UBE2D4: variants seen among roughly 807,000 people sequenced by gnomAD.
UBE2D4 encodes the protein ubiquitin-conjugating enzyme E2 D4.
A neutral mutation model predicts 23.0 loss-of-function variants in UBE2D4; 17 were observed. The ratio of observed to expected loss-of-function variants is 0.74; its 90% CI spans 0.51 to 1.11. UBE2D4 has a LOEUF of 1.11. UBE2D4 is among the 50% of genes least tolerant of loss of function. The pLI is 0.00. For missense variants in UBE2D4, 139 were observed against 181.8 expected, an observed-to-expected ratio of 0.76 and a Z score of 1.35; for synonymous variants, 61 against 69.4, an observed-to-expected ratio of 0.88 and a Z score of 0.60.
chr7:43,943,296 A>T, intron 4 of UBE2D4: 1 of 572,142 alleles, frequency 1.7e-6, no homozygotes, highest in Non-Finnish European at 3.1e-6. Context: ...ACTGTAGCTG[A>T]GTCTGGTCAT....
rs1463722161 is a variant in UBE2D4, at chr7:43,944,974, T to G, written c.198+1943T>G. The stretch of plus-strand genomic sequence containing the variant: ...CTAAGGACAAAGGAGAAACAGTGAT[T>G]ATTATTATTATTTTTTAATTATTAT... On this transcript the variant is annotated intron_variant, in intron 4 of 6. Transcript: ENST00000222402. This position sits in a 1 kb window ranked among gnomAD's most constrained non-coding sequence, Gnocchi z 4.0. 4 of 152,052 alleles carry G rather than the reference T, an allele frequency of 2.6e-5. No individual in the cohort carries two copies. Among genetic ancestry groups the G allele is most frequent in the African/African-American group, 4.8e-5 (2 of 41,410 alleles). 9.4% of individuals were successfully genotyped at this position (152,052 alleles called of 1,614,324 possible). A position where few individuals can be genotyped will look rare whatever the true frequency, so the allele number is the denominator to read the frequency against.
rs1457714889 is a variant in UBE2D4 at position 43,944,671 on chromosome 7, G to A, written c.198+1640G>A. On this transcript the variant is annotated intron_variant, in intron 4 of 6. Coordinates refer to ENST00000222402, the MANE Select transcript of UBE2D4 (RefSeq NM_015983.4). This position sits in a 1 kb window ranked among gnomAD's most constrained non-coding sequence, Gnocchi z 4.0. ...TAAGCTTTTAGCAAGGGAGTGGAGT[G>A]TGCTGAGCAGGACAATGACAGATGC... is the stretch of plus-strand genomic sequence containing the variant. 6.6e-6 allele frequency: 1 copy of A among 152,186 alleles called. No homozygotes were observed. Among genetic ancestry groups the A allele is most frequent in the South Asian group, 2.1e-4 (1 of 4,830 alleles). The allele number at this position is 152,186 out of a possible 1,614,324, so 9.4% of individuals were successfully genotyped here.
chr7:43,935,977 C>T (rs556898120), intron 1 of UBE2D4, among the ~76,000 whole-genome samples: 19 of 152,280 alleles, frequency 1.2e-4, no homozygotes, highest in Middle Eastern at 3.4e-3. Context: ...CCCTCTAAAG[C>T]GATTCTTGTG....
In UBE2D4 at chr7:43,953,534, G is replaced by A. The variant is rs748423069; in HGVS notation, c.*839G>A. On this transcript the variant is annotated 3_prime_UTR_variant, in exon 7 of 7. Transcript: ENST00000222402. ...CAAGGAGGGAGAGAGACTCTTAAAC[G>A]TAAATAAAAATGCAATTCACTCACA... The A allele has an allele frequency of 2.9e-5, 6 of 208,882 alleles. No individual in the cohort carries two copies. The highest frequency in any genetic ancestry group is 7.5e-5 in the South Asian group (1 of 13,344). 12.9% of individuals were successfully genotyped at this position (208,882 alleles called of 1,614,324 possible).
At chr7:43,935,018 A>G (rs2095955485) in intron 1 of UBE2D4, among the ~76,000 whole-genome samples, 1 of 152,212 alleles carries the variant, frequency 6.6e-6, no homozygotes, top group African/African-American at 2.4e-5. Context: ...TGGACATGGT[A>G]CATGCTTTCA....
chr7:43,938,364 C>G, intron 1 of UBE2D4, 67 bp from the exon 2 acceptor site: 1 of 1,502,476 alleles, frequency 6.7e-7, no homozygotes, highest in Non-Finnish European at 9.3e-7. Flanking sequence ...TTCCAGCTAC[C>G]AAGATTGGTA....
chr7:43,933,050 A>G (rs1437341061), intron 1 of UBE2D4, among the ~76,000 whole-genome samples: 2 of 146,662 alleles, frequency 1.4e-5, no homozygotes, highest in African/African-American at 2.5e-5. Context: ...ATGTGTGTAT[A>G]TATATAACAT....
chr7:43,943,199 G>A (rs1005795077), intron 4 of UBE2D4, 168 bp downstream of exon 4: 6 of 679,068 alleles, frequency 8.8e-6, no homozygotes, highest in Admixed American at 2.5e-5. Flanking sequence ...CTGGACTTTG[G>A]GAATTAGCAC....
chr7:43,948,155 T>C (rs914141821), intron 4 of UBE2D4, among the ~76,000 whole-genome samples: 1 of 152,256 alleles, frequency 6.6e-6, no homozygotes, highest in African/African-American at 2.4e-5. Flanking sequence ...CTGTTCACTC[T>C]GATGATAGTT....
Position 43,926,478 on chromosome 7 carries a change from G to A in UBE2D4, c.-55G>A, listed in dbSNP as rs2095930736. 2 of 1,425,776 alleles carry A rather than the reference G, an allele frequency of 1.4e-6. No homozygotes were observed. The highest frequency in any genetic ancestry group is 1.9e-6 in the Non-Finnish European group (2 of 1,080,860). 88.3% of individuals were successfully genotyped at this position (1,425,776 alleles called of 1,614,324 possible). ...GCTTGGTGGCGGCTGAGCCGGCAGC[G>A]GGCCGCCTCAGGCAGCCCCGGCCGG... On this transcript the variant is annotated 5_prime_UTR_variant, in exon 1 of 7. Transcript: ENST00000222402.
chr7:43,953,036 C>T lies in UBE2D4; in HGVS notation c.*341C>T, dbSNP rs2096006446. On this transcript the variant is annotated 3_prime_UTR_variant, in exon 7 of 7. Coordinates refer to ENST00000222402, the MANE Select transcript of UBE2D4 (RefSeq NM_015983.4). ...CTCTCCTACCCGGCCTCAAATGGTG[C>T]TGCTGCCCATGATGGTACCACACCA... The T allele has an allele frequency of 4.7e-6, 2 of 423,034 alleles. No individual in the cohort carries two copies. The highest frequency in any genetic ancestry group is 2.0e-5 in the African/African-American group (1 of 49,556). The allele number at this position is 423,034 out of a possible 1,614,324, so 26.2% of individuals were successfully genotyped here. A position where few individuals can be genotyped will look rare whatever the true frequency, so the allele number is the denominator to read the frequency against.
chr7:43,932,749 C>G (rs1009701203), intron 1 of UBE2D4, among the ~76,000 whole-genome samples: 1 of 151,308 alleles, frequency 6.6e-6, no homozygotes, highest in Non-Finnish European at 1.5e-5. Flanking sequence ...ACCAAGATGG[C>G]GCCACGGCAC....
At chr7:43,942,715 A>G in intron 2 of UBE2D4, 111 bp from the exon 3 acceptor site, 1 of 1,484,118 alleles carries the variant, frequency 6.7e-7, no homozygotes, top group African/African-American at 1.4e-5. Context: ...TGGTGTCAGA[A>G]GTGAGTGCAT....
At chr7:43,942,774 GAC>G in intron 2 of UBE2D4, 50 bp from the exon 3 acceptor site, 1 of 1,612,980 alleles carries the variant, frequency 6.2e-7, no homozygotes, top group Non-Finnish European at 8.5e-7. Flanking sequence ...TCAGTAGAAT[GAC>G]ATGTTTCTTG....
intron 1 of UBE2D4, 124 bp downstream of exon 1, chr7:43,926,680 A>G: frequency 9.5e-7 from 1 of 1,057,530 alleles, no homozygotes; most frequent in Non-Finnish European, 1.3e-6. Flanking sequence ...CTGCCTGGGA[A>G]GGAGGCAGAA....
rs1012141067 is a variant in UBE2D4, at chr7:43,952,958, C to A, written c.*263C>A. 1.2e-5 allele frequency: 5 copies of A among 428,042 alleles called. No homozygotes were observed. Among genetic ancestry groups the A allele is most frequent in the Admixed American group, 3.4e-5 (1 of 29,840 alleles). The allele number at this position is 428,042 out of a possible 1,614,324, so 26.5% of individuals were successfully genotyped here. ...TTCCTGGTGACACTGGAATCTCTCT[C>A]TCTGCCGCCTCAGTTTGTCTGCTGG... On this transcript the variant is annotated 3_prime_UTR_variant, in exon 7 of 7. Coordinates refer to ENST00000222402, the MANE Select transcript of UBE2D4 (RefSeq NM_015983.4).
chr7:43,938,037 A>C (rs2095962281), intron 1 of UBE2D4, among the ~76,000 whole-genome samples: 1 of 151,376 alleles, frequency 6.6e-6, no homozygotes, highest in South Asian at 2.1e-4. Context: ...TTCTCCCAGA[A>C]CTCTCTCCTG....
intron 1 of UBE2D4, among the ~76,000 whole-genome samples, chr7:43,935,005 G>C (rs1439081719): frequency 6.6e-6 from 1 of 152,126 alleles, no homozygotes; most frequent in Non-Finnish European, 1.5e-5. Context: ...CATGTATTCA[G>C]CCTGGACATG....
intron 1 of UBE2D4, among the ~76,000 whole-genome samples, chr7:43,926,991 G>C (rs190670472): frequency 2.9e-4 from 44 of 152,352 alleles, no homozygotes; most frequent in Admixed American, 9.8e-4. Context: ...GGACTGACAG[G>C]GTAGCGGGGA....
Sources: gnomAD v4.1 joint callset for allele counts (sites outside exome capture counted in the v4.1 genomes callset) on GRCh38, gnomAD v4.1.1 for gene constraint, Gnocchi (gnomAD v3.1) non-coding constraint, MANE v1.5 for transcripts, NCBI Gene and HGNC (gene_info 2026-07-23, HGNC 2026-07-21) for gene names.